Variants in CLTC observed in about 807,000 individuals in gnomAD.
CLTC encodes clathrin heavy chain 1.
CLTC carries 16 observed loss-of-function variants against 195.8 expected under a neutral mutation model. That is an observed-to-expected ratio of 0.08 (90% CI 0.06 to 0.12). The LOEUF (loss-of-function observed/expected upper bound fraction) is 0.12. Ranked by LOEUF, CLTC falls within the 10% of genes least tolerant of loss-of-function variation. The pLI is 1.00. For synonymous variants in CLTC, 667 were observed against 689.4 expected, an observed-to-expected ratio of 0.97 and a Z score of 0.51; for missense variants, 796 against 2,027.0, an observed-to-expected ratio of 0.39 and a Z score of 11.66.
intron 1 of CLTC, among the ~76,000 whole-genome samples, chr17:59,625,629 CAG>C (rs1491065399): frequency 6.6e-6 from 1 of 151,970 alleles, no homozygotes; most frequent in African/African-American, 2.4e-5. Flanking sequence ...GCCTGGGTAA[CAG>C]AGTTAAGACC....
chr17:59,668,214 C>T (rs2032773283), intron 13 of CLTC, among the ~76,000 whole-genome samples: 1 of 152,266 alleles, frequency 6.6e-6, no homozygotes, highest in South Asian at 2.1e-4. Flanking sequence ...TGTATGTTTC[C>T]TATAAATTGC....
At chr17:59,651,436 T>C in intron 5 of CLTC, 120 bp downstream of exon 5, 1 of 711,770 alleles carries the variant, frequency 1.4e-6, no homozygotes, top group Non-Finnish European at 2.4e-6. Flanking sequence ...TTTTAAAGTT[T>C]ATTAGTGAAG....
chr17:59,686,243 C>T (rs903700841), intron 30 of CLTC, among the ~76,000 whole-genome samples: 23 of 151,694 alleles, frequency 1.5e-4, no homozygotes, highest in African/African-American at 5.1e-4. Flanking sequence ...TTAATCTTCA[C>T]AATTTTTTTG....
rs2031321300 is a variant in CLTC, at chr17:59,620,194, G to C, written c.42+21G>C. The C allele has an allele frequency of 3.7e-6, 6 of 1,613,864 alleles. No individual in the cohort carries two copies. In the East Asian group the frequency reaches 1.3e-4, roughly 36 times the overall value. ...TCCAGGTGCGGCCGGGCCCGGGCTG[G>C]TGAGGGCTGTGGAGAAGGTGGTAGG... is the stretch of plus-strand genomic sequence containing the variant. On this transcript the variant is annotated intron_variant, in intron 1 of 31. Coordinates refer to ENST00000269122, the MANE Select transcript of CLTC (RefSeq NM_004859.4).
intron 30 of CLTC, 198 bp from the exon 31 acceptor site, chr17:59,690,438 G>T (rs2033270946): frequency 2.1e-6 from 1 of 475,676 alleles, no homozygotes; most frequent in Non-Finnish European, 3.7e-6. Context: ...CTTCCTGAGG[G>T]TTTATAATGA....
At chr17:59,656,160 A>G (rs1357574751) in intron 6 of CLTC, 133 bp downstream of exon 6, 15 of 734,968 alleles carry the variant, frequency 2.0e-5, no homozygotes, top group Non-Finnish European at 2.9e-5. Flanking sequence ...TTTTTTTCCA[A>G]AAAGTAAATA....
chr17:59,654,250 A>G (rs974964214), intron 5 of CLTC, among the ~76,000 whole-genome samples: 1 of 151,674 alleles, frequency 6.6e-6, no homozygotes, highest in Non-Finnish European at 1.5e-5. Flanking sequence ...ATCTCAGCTC[A>G]CTGCACCCTC....
At chr17:59,638,928 G>A (rs1413389112) in intron 1 of CLTC, among the ~76,000 whole-genome samples, 1 of 152,152 alleles carries the variant, frequency 6.6e-6, no homozygotes, top group Non-Finnish European at 1.5e-5. Flanking sequence ...AGTTGGAATG[G>A]AGAAGGAAGG....
chr17:59,625,158 G>A (rs2031509251), intron 1 of CLTC, among the ~76,000 whole-genome samples: 2 of 151,362 alleles, frequency 1.3e-5, no homozygotes, highest in African/African-American at 2.4e-5. Flanking sequence ...TCGCCAGGCT[G>A]GAGTGCAATG....
Position 59,666,175 on chromosome 17 carries a change from A to G in CLTC, c.1717A>G (p.Asn573Asp). 2.5e-6 allele frequency: 4 copies of G among 1,613,992 alleles called. No homozygotes were observed. The highest frequency in any genetic ancestry group is 3.4e-6 in the Non-Finnish European group (4 of 1,179,838). Residue 573 changes from asparagine to aspartate, a missense_variant, in exon 11 of 32, where the codon AAT (asparagine) becomes GAT (aspartate). Around this residue, in one of 9 missense-constraint regions of CLTC, gnomAD observed 293 missense variants for 795.6 expected, o/e 0.37. Transcript: ENST00000269122. This position sits in a 1 kb window ranked among gnomAD's most constrained non-coding sequence, Gnocchi z 4.9. ...TAFLLDALKN[N>D]RPSEGPLQTR... is the part of the protein sequence containing the mutation. ...ATTCTTGCTTGATGCTCTGAAGAAT[A>G]ATCGCCCATCTGAAGGTCCTTTACA...
rs200649233 is a variant in CLTC, at chr17:59,648,387, C to G, written c.667C>G (p.Gln223Glu). 1 of 1,613,058 alleles carries G rather than the reference C, an allele frequency of 6.2e-7. No homozygotes were observed. Residue 223 changes from glutamine to glutamate, a missense_variant, in exon 4 of 32, where the codon CAA (glutamine) becomes GAA (glutamate). Gln to Glu is a conservative substitution (Grantham distance 29). Around this residue, in one of 9 missense-constraint regions of CLTC, gnomAD observed 293 missense variants for 795.6 expected, o/e 0.37. Transcript: ENST00000269122. This position sits in a 1 kb window ranked among gnomAD's most constrained non-coding sequence, Gnocchi z 4.5. ...GTTATTTTGTTTTGCAGTTCGGGGC[C>G]AAGCTGGAGGGAAGGTAAGTTTTGG... ...STLFCFAVRG[Q>E]AGGKLHIIEV...
chr17:59,637,661 G>A (rs1207632294), intron 1 of CLTC, among the ~76,000 whole-genome samples: 3 of 145,970 alleles, frequency 2.1e-5, no homozygotes, highest in Non-Finnish European at 4.5e-5. Flanking sequence ...CCAGGAGTTG[G>A]AGACCAGACT....
At position 59,664,618 on chromosome 17, in the gene CLTC, G is replaced by C. The variant is rs150341292; in HGVS notation, c.1522-169G>C. ...AAGCCAGTTATAAAAATTGACAGATGTTTGTTCAAATATGTCATCACCAAG... is the reference window on the plus strand; with the variant it reads ...AAGCCAGTTATAAAAATTGACAGATCTTTGTTCAAATATGTCATCACCAAG... On this transcript the variant is annotated intron_variant, in intron 9 of 31. Transcript: ENST00000269122. 312 of 509,052 alleles carry C rather than the reference G, an allele frequency of 6.1e-4. 1 individual carries two copies. Among genetic ancestry groups the C allele is most frequent in the African/African-American group, 5.9e-3 (296 of 50,586 alleles). The allele number at this position is 509,052 out of a possible 1,614,324, so 31.5% of individuals were successfully genotyped here. A position where few individuals can be genotyped will look rare whatever the true frequency, so the allele number is the denominator to read the frequency against.
chr17:59,620,954 A>T (rs2031357524), intron 1 of CLTC, among the ~76,000 whole-genome samples: 1 of 152,052 alleles, frequency 6.6e-6, no homozygotes, highest in Non-Finnish European at 1.5e-5. Context: ...GGAAAGAGTG[A>T]TACAGAGGTT....
At position 59,679,390 on chromosome 17, in the gene CLTC, T is replaced by C; in HGVS notation, c.2797-7T>C. 1.3e-6 allele frequency: 2 copies of C among 1,597,078 alleles called. No homozygotes were observed. The highest frequency in any genetic ancestry group is 1.7e-6 in the Non-Finnish European group (2 of 1,170,382). On this transcript the variant is annotated splice_polypyrimidine_tract_variant and splice_region_variant and intron_variant, in intron 17 of 31. Transcript: ENST00000269122. ...ACCTTGAAATTAATCTATCATATCTTCTTTAGGTTTGCAATGAGAATTCCC... is the reference window on the plus strand; with the variant it reads ...ACCTTGAAATTAATCTATCATATCTCCTTTAGGTTTGCAATGAGAATTCCC...
chr17:59,680,854 T>TA (rs762736705), intron 18 of CLTC, 58 bp from the exon 19 acceptor site: 428 of 1,434,476 alleles, frequency 3.0e-4, no homozygotes, highest in Non-Finnish European at 3.7e-4. Context: ...GAGGCCAACT[T>TA]ACGCTTTTTT....
At chr17:59,689,424 T>A (rs1028317834) in intron 30 of CLTC, 16 of 145,580 alleles carry the variant, frequency 1.1e-4, no homozygotes, top group Admixed American at 9.0e-4. Context: ...AAGTCTACAA[T>A]TTTTTTTTTT....
At chr17:59,676,831 G>T in intron 16 of CLTC, 123 bp from the exon 17 acceptor site, 1 of 710,484 alleles carries the variant, frequency 1.4e-6, no homozygotes, top group South Asian at 1.8e-5. Context: ...AATACTCGGG[G>T]GGCGGGGAAA....
At chr17:59,661,184 T>C (rs2032599337) in intron 7 of CLTC, among the ~76,000 whole-genome samples, 1 of 152,210 alleles carries the variant, frequency 6.6e-6, no homozygotes, top group Non-Finnish European at 1.5e-5. Context: ...GGATAATTTT[T>C]TTTTTTTTCC....
Sources: allele counts gnomAD v4.1 joint callset (sites outside exome capture counted in the v4.1 genomes callset), GRCh38; gene constraint gnomAD v4.1.1; regional missense constraint gnomAD v4.1.1; non-coding constraint Gnocchi (gnomAD v3.1); transcripts MANE v1.5; gene names NCBI Gene and HGNC (gene_info 2026-07-23, HGNC 2026-07-21).